GPCPD1: variants seen among roughly 807,000 people sequenced by gnomAD.
The protein encoded by GPCPD1 is glycerophosphocholine phosphodiesterase GPCPD1.
Under a neutral mutation model 89.2 loss-of-function variants are expected in GPCPD1, and 29 were observed. The ratio of observed to expected loss-of-function variants is 0.33; its 90% CI spans 0.24 to 0.44. GPCPD1 has a LOEUF of 0.44. Ranked by LOEUF, GPCPD1 falls within the 20% of genes least tolerant of loss-of-function variation. GPCPD1 has a pLI of 1.00. For synonymous variants in GPCPD1, 258 were observed against 266.3 expected (o/e 0.97, Z 0.30); for missense variants, 594 against 808.9 (o/e 0.73, Z 3.22).
chr20:5,581,528 G>A (rs552288848), intron 6 of GPCPD1, among the ~76,000 whole-genome samples: 1 of 152,138 alleles, frequency 6.6e-6, no homozygotes, highest in East Asian at 1.9e-4. Flanking sequence ...GGGGGTGTGA[G>A]ATATCAGAAG....
At chr20:5,571,561 A>G (rs1600741025) in intron 11 of GPCPD1, among the ~76,000 whole-genome samples, 1 of 152,208 alleles carries the variant, frequency 6.6e-6, no homozygotes, top group African/African-American at 2.4e-5. Context: ...AAAGGATTTC[A>G]TTAGAATATG....
chr20:5,555,186 A>G (rs1034062102), intron 19 of GPCPD1, among the ~76,000 whole-genome samples: 1 of 152,228 alleles, frequency 6.6e-6, no homozygotes, highest in East Asian at 1.9e-4. Flanking sequence ...AATATTACAT[A>G]AACTTAGTGA....
At chr20:5,609,676 C>T (rs897803404) in intron 1 of GPCPD1, among the ~76,000 whole-genome samples, 8 of 152,010 alleles carry the variant, frequency 5.3e-5, no homozygotes, top group African/African-American at 1.9e-4. Flanking sequence ...GTCATTATTT[C>T]TCAAGAGTCC....
intron 4 of GPCPD1, among the ~76,000 whole-genome samples, chr20:5,588,804 G>A (rs1600779148): frequency 6.6e-6 from 1 of 151,530 alleles, no homozygotes; most frequent in African/African-American, 2.4e-5. Context: ...CAGCCTGGGC[G>A]ATAGAGCGAG....
chr20:5,606,986 T>G (rs776322876), intron 1 of GPCPD1, among the ~76,000 whole-genome samples: 3 of 152,212 alleles, frequency 2.0e-5, no homozygotes, highest in Non-Finnish European at 4.4e-5. Context: ...AATACTACAC[T>G]AGTGCAAACC....
chr20:5,588,711 G>C (rs1271015783), intron 4 of GPCPD1, among the ~76,000 whole-genome samples: 4 of 152,106 alleles, frequency 2.6e-5, no homozygotes, highest in Admixed American at 2.6e-4. Flanking sequence ...TGTAATCCTA[G>C]GTACTTGGGA....
chr20:5,584,340 T>C lies in GPCPD1; in HGVS notation c.308-18A>G, dbSNP rs1404354174. On this transcript the variant is annotated intron_variant, in intron 5 of 19. Transcript: ENST00000379019. Reference sequence around the variant, plus strand: ...TTCGCTTTCTAGAATTTAAGGAAAATAGAAAATTTAGTTAAAACTCTTGAT... The same window carrying C: ...TTCGCTTTCTAGAATTTAAGGAAAACAGAAAATTTAGTTAAAACTCTTGAT... The C allele has an allele frequency of 4.2e-6, 5 of 1,176,486 alleles. No individual in the cohort carries two copies. In the African/African-American group the frequency reaches 4.5e-5, roughly 11 times the overall value. The allele number at this position is 1,176,486 out of a possible 1,614,324, so 72.9% of individuals were successfully genotyped here. A position where few individuals can be genotyped will look rare whatever the true frequency, so the allele number is the denominator to read the frequency against.
chr20:5,586,290 G>T, intron 4 of GPCPD1, 21 bp from the exon 5 acceptor site: 6 of 1,391,692 alleles, frequency 4.3e-6, no homozygotes, highest in Non-Finnish European at 6.1e-6. Context: ...AAAGTTAAAC[G>T]TCTGCAATAA....
Position 5,570,956 on chromosome 20 carries a change from C to T in GPCPD1, c.1057-717G>A, listed in dbSNP as rs78144813. ...AGAAAGAAAAAGGCAGATCCACTCA[C>T]CCCTATGAATTAATTCAGTTAAAGT... On this transcript the variant is annotated intron_variant, in intron 11 of 19. Transcript: ENST00000379019. Among the ~76,000 whole-genome samples the T allele has an allele frequency of 9.7e-3, 1,484 of 152,280 alleles. 31 individuals carry two copies. Among genetic ancestry groups the T allele is most frequent in the African/African-American group, 0.034 (1,397 of 41,548 alleles).
chr20:5,575,708 A>G (rs1185413189), intron 9 of GPCPD1, 108 bp downstream of exon 9: 1 of 911,606 alleles, frequency 1.1e-6, no homozygotes, highest in Non-Finnish European at 1.7e-6. Context: ...TTAAATTGAT[A>G]CTAAAGCAAA....
intron 11 of GPCPD1, among the ~76,000 whole-genome samples, chr20:5,571,942 C>T (rs1034845676): frequency 6.6e-6 from 1 of 151,194 alleles, no homozygotes; most frequent in South Asian, 2.1e-4. Flanking sequence ...GTCATCACAC[C>T]GGCATGATGG....
intron 19 of GPCPD1, among the ~76,000 whole-genome samples, chr20:5,556,269 G>T (rs1309842881): frequency 6.6e-6 from 1 of 151,970 alleles, no homozygotes; most frequent in African/African-American, 2.4e-5. Flanking sequence ...GTGCAGTGGC[G>T]CGATCTCGGC....
chr20:5,567,599 A>C, intron 12 of GPCPD1, 39 bp from the exon 13 acceptor site: 1 of 1,509,910 alleles, frequency 6.6e-7, no homozygotes, highest in Non-Finnish European at 8.9e-7. Flanking sequence ...AAAAGAAAGA[A>C]TAAAGAAAAT....
At chr20:5,567,843 C>G (rs771104149) in intron 12 of GPCPD1, 24 of 265,660 alleles carry the variant, frequency 9.0e-5, no homozygotes, top group Middle Eastern at 1.2e-3. Context: ...CTGAAGACAG[C>G]TGAGGATAGA....
chr20:5,567,385 C>T, intron 13 of GPCPD1, 98 bp downstream of exon 13: 1 of 1,348,440 alleles, frequency 7.4e-7, no homozygotes, highest in East Asian at 2.5e-5. Context: ...TTAAATTTAA[C>T]AGTCATCCCC....
At chr20:5,549,410 A>G in intron 19 of GPCPD1, 2 of 1,207,230 alleles carry the variant, frequency 1.7e-6, no homozygotes, top group Non-Finnish European at 2.4e-6. Flanking sequence ...AAACATCGTG[A>G]TTGGTTATCA....
At position 5,604,407 on chromosome 20, in the gene GPCPD1, T is replaced by C. The variant is rs1467160297; in HGVS notation, c.6A>G (p.Thr2=). ...TTATTTCAAAGGCAACCTGAGAAGGTGTCATTCTGATGGATTTATTTTATG... is the reference window on the plus strand; with the variant it reads ...TTATTTCAAAGGCAACCTGAGAAGGCGTCATTCTGATGGATTTATTTTATG... M[T]PSQVAFEIRG... Residue 2 remains threonine (T), a synonymous_variant, in exon 2 of 20, where the codon ACA becomes ACG. Coordinates refer to ENST00000379019, the MANE Select transcript of GPCPD1 (RefSeq NM_019593.5). The C allele has an allele frequency of 3.8e-6, 6 of 1,565,748 alleles. No homozygotes were observed. The highest frequency in any genetic ancestry group is 1.7e-5 in the Admixed American group (1 of 57,988).
chr20:5,545,900 G>C lies in GPCPD1; in HGVS notation c.*1761C>G, dbSNP rs928300895. The stretch of plus-strand genomic sequence containing the variant: ...TGATCTGCTTCCCCTCTGTCCTTGA[G>C]TCTTCAAAATGGAGCCAGCACTGGG... On this transcript the variant is annotated 3_prime_UTR_variant, in exon 20 of 20. Coordinates refer to ENST00000379019, the MANE Select transcript of GPCPD1 (RefSeq NM_019593.5). The C allele has an allele frequency of 3.9e-5, 6 of 152,192 alleles. No individual in the cohort carries two copies. Among genetic ancestry groups the C allele is most frequent in the African/African-American group, 1.2e-4 (5 of 41,418 alleles). The allele number at this position is 152,192 out of a possible 1,614,324, so 9.4% of individuals were successfully genotyped here. A position where few individuals can be genotyped will look rare whatever the true frequency, so the allele number is the denominator to read the frequency against.
At chr20:5,557,337 C>A (rs1985831460) in intron 19 of GPCPD1, among the ~76,000 whole-genome samples, 1 of 152,196 alleles carries the variant, frequency 6.6e-6, no homozygotes, top group Admixed American at 6.5e-5. Flanking sequence ...ACAATCCACA[C>A]CAAAGATGAG....
Sources: allele counts gnomAD v4.1 joint callset (sites outside exome capture counted in the v4.1 genomes callset), GRCh38; gene constraint gnomAD v4.1.1; transcripts MANE v1.5; gene names NCBI Gene and HGNC (gene_info 2026-07-23, HGNC 2026-07-21).